Variants in HK3 observed in about 807,000 individuals in gnomAD.
HK3 encodes the protein hexokinase 3.
Under a neutral mutation model 91.0 loss-of-function variants are expected in HK3, and 93 were observed. That is an observed-to-expected ratio of 1.02 (90% CI 0.86 to 1.21). The LOEUF (loss-of-function observed/expected upper bound fraction) is 1.21. Among genes scored for constraint, HK3 ranks in the 50% most tolerant of loss-of-function variants. The pLI is 0.00. For synonymous variants in HK3, 519 were observed against 516.9 expected, an observed-to-expected ratio of 1.00 and a Z score of -0.06; for missense variants, 1,235 against 1,247.4, an observed-to-expected ratio of 0.99 and a Z score of 0.15.
intron 2 of HK3, among the ~76,000 whole-genome samples, chr5:176,892,471 G>T (rs1479031644): frequency 6.6e-6 from 1 of 152,036 alleles, no homozygotes; most frequent in African/African-American, 2.4e-5. Flanking sequence ...GGACACCCCA[G>T]GCTGTCACTC....
At chr5:176,882,167 G>A (rs753149274) in intron 15 of HK3, 40 bp from the exon 16 acceptor site, 2 of 1,605,802 alleles carry the variant, frequency 1.2e-6, no homozygotes, top group Admixed American at 1.7e-5. Context: ...ACTTACTGAT[G>A]TAGACAAGGA....
In HK3 at chr5:176,890,740, G is replaced by C; in HGVS notation, c.535-10C>G. The C allele has an allele frequency of 6.2e-7, 1 of 1,614,178 alleles. No individual in the cohort carries two copies. Among genetic ancestry groups the C allele is most frequent in the Non-Finnish European group, 8.5e-7 (1 of 1,180,034 alleles). On this transcript the variant is annotated splice_polypyrimidine_tract_variant and intron_variant, in intron 5 of 18. Transcript: ENST00000292432. ...AGGAAATGAGGGTGCTCTGGAGGTAGAGAAGCTGGGTTACTCCTCTGACGG... is the reference window on the plus strand; with the variant it reads ...AGGAAATGAGGGTGCTCTGGAGGTACAGAAGCTGGGTTACTCCTCTGACGG...
At position 176,890,678 on chromosome 5, in the gene HK3, T is replaced by C. The variant is rs1199048326; in HGVS notation, c.587A>G (p.Gln196Arg). ...KGFRCSGVEG[Q>R]DVVQLLRDAI... ...ATCTCTCAGCAGCTGGACCACATCC[T>C]GGCCTTCCACACCACTGCACCTAAA... The change falls in exon 6 of 19, where the codon CAG becomes CGG. Residue 196 changes from glutamine to arginine, a missense_variant. Gln to Arg is a conservative substitution (Grantham distance 43). Transcript: ENST00000292432. 1.9e-6 allele frequency: 3 copies of C among 1,614,172 alleles called. No homozygotes were observed. The highest frequency in any genetic ancestry group is 2.2e-5 in the South Asian group (2 of 91,092).
Position 176,881,292 on chromosome 5 carries a change from C to A in HK3, c.2627+10G>T. 1 of 1,613,740 alleles carries A rather than the reference C, an allele frequency of 6.2e-7. No individual in the cohort carries two copies. The highest frequency in any genetic ancestry group is 8.5e-7 in the Non-Finnish European group (1 of 1,179,918). ...ACACCTCCCTCCCCAGCCCGCACAC[C>A]CAGACTCACCGCGGGTGCAGCTTGT... On this transcript the variant is annotated intron_variant, in intron 18 of 18. Coordinates refer to ENST00000292432, the MANE Select transcript of HK3 (RefSeq NM_002115.3).
In HK3 at chr5:176,891,375, C is replaced by T; in HGVS notation, c.259+13G>A. ...TCCAGGCCTGGCCACGCATCTCAATCTATGATACCCACCAGTGCCATGTGG... is the reference window on the plus strand; with the variant it reads ...TCCAGGCCTGGCCACGCATCTCAATTTATGATACCCACCAGTGCCATGTGG... On this transcript the variant is annotated intron_variant, in intron 3 of 18. Coordinates refer to ENST00000292432, the MANE Select transcript of HK3 (RefSeq NM_002115.3). The T allele has an allele frequency of 6.2e-7, 1 of 1,611,502 alleles. No homozygotes were observed. The highest frequency in any genetic ancestry group is 8.5e-7 in the Non-Finnish European group (1 of 1,178,644).
At chr5:176,888,048 A>G (rs954981487) in intron 10 of HK3, among the ~76,000 whole-genome samples, 4 of 152,022 alleles carry the variant, frequency 2.6e-5, no homozygotes, top group Non-Finnish European at 5.9e-5. Flanking sequence ...ACAGGCGTGT[A>G]CCACCATAGC....
chr5:176,882,081 C>T lies in HK3; in HGVS notation c.2100G>A (p.Ala700=), dbSNP rs34127573. 21,751 of 1,613,102 alleles carry T rather than the reference C, an allele frequency of 0.013. 205 individuals are homozygous for T. Among genetic ancestry groups the T allele is most frequent in the Middle Eastern group, 0.038 (231 of 6,060 alleles). Residue 700 remains alanine (A), a synonymous_variant, in exon 16 of 19, where the codon GCG becomes GCA. Coordinates refer to ENST00000292432, the MANE Select transcript of HK3 (RefSeq NM_002115.3). ...TGCGGCCTGAGTCCCCAGGCACGCCCGCCACATTCCGGAGCTCCTCCATGT... is the reference window on the plus strand; with the variant it reads ...TGCGGCCTGAGTCCCCAGGCACGCCTGCCACATTCCGGAGCTCCTCCATGT... ...ACYMEELRNV[A]GVPGDSGRMC...
intron 15 of HK3, among the ~76,000 whole-genome samples, chr5:176,882,761 G>C (rs934881558): frequency 6.6e-6 from 1 of 152,202 alleles, no homozygotes; most frequent in Non-Finnish European, 1.5e-5. Context: ...GGCAGAGGAC[G>C]CACCCTGGAT....
chr5:176,896,936 A>G (rs1456555657), intron 1 of HK3, among the ~76,000 whole-genome samples: 1 of 145,414 alleles, frequency 6.9e-6, no homozygotes, highest in East Asian at 1.9e-4. Context: ...AGTGTGCAAC[A>G]TAAACATCAG....
chr5:176,889,429 G>T lies in HK3; in HGVS notation c.866C>A (p.Thr289Asn), dbSNP rs1758700170. The change falls in exon 8 of 19, where the codon ACC becomes AAC. Residue 289 changes from threonine to asparagine, a missense_variant. Around this residue, in one of 3 missense-constraint regions of HK3, gnomAD observed 717 missense variants for 751.6 expected, o/e 0.95. Transcript: ENST00000292432. ...DDGALGPVLT[T>N]FDHTLDHESL... ...CTCATGGTCCAGGGTATGGTCGAAG[G>T]TGGTCAGCACTGGTCCCAGCGCCCC... 1 of 1,614,184 alleles carries T rather than the reference G, an allele frequency of 6.2e-7. No homozygotes were observed. Among genetic ancestry groups the T allele is most frequent in the East Asian group, 2.2e-5 (1 of 44,888 alleles).
At chr5:176,892,031 C>A (rs748719053) in intron 2 of HK3, among the ~76,000 whole-genome samples, 3 of 152,198 alleles carry the variant, frequency 2.0e-5, no homozygotes, top group Non-Finnish European at 2.9e-5. Flanking sequence ...CATTTGGAGA[C>A]CACACTGCAG....
At position 176,881,027 on chromosome 5, in the gene HK3, G is replaced by A. The variant is rs778975180; in HGVS notation, c.*46C>T. ...TGGGAAACAGGCAGACCCCGACCCG[G>A]CTCCAGCAAGGCTGCGGCGGAGACC... On this transcript the variant is annotated 3_prime_UTR_variant, in exon 19 of 19. Transcript: ENST00000292432. 7.1e-6 allele frequency: 11 copies of A among 1,545,066 alleles called. No homozygotes were observed. Among genetic ancestry groups the A allele is most frequent in the Non-Finnish European group, 9.6e-6 (11 of 1,147,528 alleles).
chr5:176,883,546 C>A (rs1184272060), intron 15 of HK3, among the ~76,000 whole-genome samples: 1 of 152,152 alleles, frequency 6.6e-6, no homozygotes, highest in Non-Finnish European at 1.5e-5. Flanking sequence ...ATCAGATGGG[C>A]AAAGTGAAGT....
intron 6 of HK3, 81 bp from the exon 7 acceptor site, chr5:176,889,825 C>T: frequency 8.3e-7 from 1 of 1,204,328 alleles, no homozygotes; most frequent in Non-Finnish European, 1.2e-6. Flanking sequence ...GGGCTGGGGC[C>T]CTGGCTTTGA....
At chr5:176,890,983 C>T (rs985013925) in intron 4 of HK3, 42 bp from the exon 5 acceptor site, 43 of 1,613,748 alleles carry the variant, frequency 2.7e-5, no homozygotes, top group Non-Finnish European at 2.7e-5. Flanking sequence ...CCATCTGAGC[C>T]CTAGCCACCC....
chr5:176,886,610 G>A (rs1413878384), intron 13 of HK3, among the ~76,000 whole-genome samples: 1 of 152,040 alleles, frequency 6.6e-6, no homozygotes, highest in Non-Finnish European at 1.5e-5. Flanking sequence ...CCAACACTGA[G>A]CCAGGCACTG....
rs746813171 is a variant in HK3 at position 176,891,199 on chromosome 5, G to A, written c.260-8C>T. 6.2e-7 allele frequency: 1 copy of A among 1,614,114 alleles called. No individual in the cohort carries two copies. ...CCACGAAGTCTCCTTGCTCTGGAGG[G>A]CAAGCAGGTCACAGAAAGCCATGCA... On this transcript the variant is annotated splice_polypyrimidine_tract_variant and splice_region_variant and intron_variant, in intron 3 of 18. Coordinates refer to ENST00000292432, the MANE Select transcript of HK3 (RefSeq NM_002115.3).
Position 176,889,466 on chromosome 5 carries a change from A to G in HK3, c.829T>C (p.Phe277Leu). 1 of 1,614,186 alleles carries G rather than the reference A, an allele frequency of 6.2e-7. No homozygotes were observed. Among genetic ancestry groups the G allele is most frequent in the East Asian group, 2.2e-5 (1 of 44,888 alleles). Reference protein sequence around the residue: ...RVCVSVEWGSFSDDGALGPVL... With the variant: ...RVCVSVEWGSLSDDGALGPVL... ...GGTCCCAGCGCCCCATCATCGCTGA[A>G]GGAGCCCCACTCGACGCTGACGCAG... Residue 277 changes from phenylalanine (F) to leucine (L), a missense_variant, in exon 8 of 19, where the codon TTC (phenylalanine) becomes CTC (leucine). By Grantham distance (22) the Phe-to-Leu change is conservative. This residue lies in a region of HK3 where 717 missense variants were observed against 751.6 expected (regional missense o/e 0.95). Transcript: ENST00000292432.
At position 176,887,317 on chromosome 5, in the gene HK3, G is replaced by C. The variant is rs137972072; in HGVS notation, c.1621C>G (p.Leu541Val). The C allele has an allele frequency of 6.2e-7, 1 of 1,614,018 alleles. No individual in the cohort carries two copies. Among genetic ancestry groups the C allele is most frequent in the Non-Finnish European group, 8.5e-7 (1 of 1,180,008 alleles). ...DGSERGDFLALDLGGTNFRVL... is the reference protein window; with the variant it reads ...DGSERGDFLAVDLGGTNFRVL... ...CGGAAGTTCGTGCCCCCGAGGTCCA[G>C]GGCCAGGAAATCCCCTCGCTCTGTG... Residue 541 changes from leucine (L) to valine (V), a missense_variant, in exon 12 of 19, where the codon CTG becomes GTG. Transcript: ENST00000292432. The surrounding 1 kb of genome is among the most constrained non-coding windows in gnomAD (Gnocchi z 4.9).
Sources: gnomAD v4.1 joint callset for allele counts (sites outside exome capture counted in the v4.1 genomes callset) on GRCh38, gnomAD v4.1.1 for gene constraint, gnomAD v4.1.1 regional missense constraint, Gnocchi (gnomAD v3.1) non-coding constraint, MANE v1.5 for transcripts, NCBI Gene and HGNC (gene_info 2026-07-23, HGNC 2026-07-21) for gene names.